KAT6A: variants seen among roughly 807,000 people sequenced by gnomAD.
KAT6A encodes the protein histone acetyltransferase KAT6A.
In KAT6A, 9 loss-of-function variants were observed where a neutral mutation model predicts 198.4. That is an observed-to-expected ratio of 0.05 (90% CI 0.03 to 0.08). The LOEUF is 0.08. KAT6A is among the 10% of genes least tolerant of loss of function. The pLI is 1.00. For missense variants in KAT6A, 2,077 were observed against 2,509.9 expected, an observed-to-expected ratio of 0.83 and a Z score of 3.69; for synonymous variants, 890 against 883.0, an observed-to-expected ratio of 1.01 and a Z score of -0.14.
chr8:42,040,623 T>C (rs1356509113), intron 2 of KAT6A, among the ~76,000 whole-genome samples: 1 of 149,720 alleles, frequency 6.7e-6, no homozygotes, highest in Non-Finnish European at 1.5e-5. Flanking sequence ...TAAACCCAGC[T>C]ACTCGGGAGG....
intron 3 of KAT6A, among the ~76,000 whole-genome samples, chr8:41,984,329 C>T (rs934729704): frequency 2.0e-5 from 3 of 152,166 alleles, no homozygotes; most frequent in Non-Finnish European, 2.9e-5. Flanking sequence ...AGACACTCAT[C>T]GGGGGAGGCC....
rs775515458 is a variant in KAT6A at position 41,930,157 on chromosome 8, C to A, written c.*2048G>T. Reference sequence around the variant, plus strand: ...AGAAACAAACAAAACCAAACACAACCGCAAACCAACAGAAACTGATTTCAC... The same window carrying A: ...AGAAACAAACAAAACCAAACACAACAGCAAACCAACAGAAACTGATTTCAC... On this transcript the variant is annotated 3_prime_UTR_variant, in exon 17 of 17. Coordinates refer to ENST00000265713, the MANE Select transcript of KAT6A (RefSeq NM_006766.5). 1.7e-4 allele frequency: 39 copies of A among 230,664 alleles called. No individual in the cohort carries two copies. Among genetic ancestry groups the A allele is most frequent in the Admixed American group, 3.5e-4 (6 of 17,344 alleles). The allele number at this position is 230,664 out of a possible 1,614,324, so 14.3% of individuals were successfully genotyped here. A position where few individuals can be genotyped will look rare whatever the true frequency, so the allele number is the denominator to read the frequency against.
chr8:41,934,782 C>T lies in KAT6A; in HGVS notation c.3438G>A (p.Leu1146=). Residue 1146 remains leucine (L), a synonymous_variant, in exon 17 of 17, where the codon TTG becomes TTA. Coordinates refer to ENST00000265713, the MANE Select transcript of KAT6A (RefSeq NM_006766.5). ...CTTTGGGCCATCCCTTTTTCTTTTTCAAAGGTGTGGATGTATCTGGCTCAA... is the reference window on the plus strand; with the variant it reads ...CTTTGGGCCATCCCTTTTTCTTTTTTAAAGGTGTGGATGTATCTGGCTCAA... The part of the protein sequence containing the change: ...SPLEPDTSTP[L]KKKKGWPKGK... 6.2e-7 allele frequency: 1 copy of T among 1,613,728 alleles called. No individual in the cohort carries two copies. Among genetic ancestry groups the T allele is most frequent in the Non-Finnish European group, 8.5e-7 (1 of 1,179,956 alleles).
At chr8:41,955,241 G>C in intron 9 of KAT6A, 55 bp downstream of exon 9, 2 of 1,088,770 alleles carry the variant, frequency 1.8e-6, no homozygotes, top group Non-Finnish European at 2.8e-6. Context: ...ATCCCTTCCA[G>C]TTCCAGACTT....
chr8:42,004,855 G>C (rs1803417254), intron 2 of KAT6A, among the ~76,000 whole-genome samples: 2 of 151,984 alleles, frequency 1.3e-5, no homozygotes, highest in Admixed American at 1.3e-4. Flanking sequence ...TTGAACCTGG[G>C]AGGCAGAGGT....
chr8:41,932,925 G>A lies in KAT6A; in HGVS notation c.5295C>T (p.Asp1765=). 6.2e-7 allele frequency: 1 copy of A among 1,614,176 alleles called. No individual in the cohort carries two copies. Among genetic ancestry groups the A allele is most frequent in the Non-Finnish European group, 8.5e-7 (1 of 1,180,028 alleles). ...KLQQLTNTIM[D]PHAMPYSHSP... ...AATGGCTATAAGGCATGGCATGAGG[G>A]TCCATAATGGTGTTGGTCAGCTGCT... Residue 1765 remains aspartate, a synonymous_variant, in exon 17 of 17, where the codon GAC becomes GAT. Coordinates refer to ENST00000265713, the MANE Select transcript of KAT6A (RefSeq NM_006766.5).
intron 2 of KAT6A, among the ~76,000 whole-genome samples, chr8:42,003,719 T>C (rs1036803217): frequency 6.6e-6 from 1 of 152,158 alleles, no homozygotes; most frequent in Non-Finnish European, 1.5e-5. Flanking sequence ...AATTCCTCAA[T>C]GTGACTCTAT....
chr8:41,934,752 C>G lies in KAT6A; in HGVS notation c.3468G>C (p.Lys1156Asn). Residue 1156 changes from lysine to asparagine, a missense_variant, in exon 17 of 17, where the codon AAG becomes AAC. Physicochemically the swap from Lys to Asn is moderately conservative, Grantham distance 94 (BLOSUM62 0). Coordinates refer to ENST00000265713, the MANE Select transcript of KAT6A (RefSeq NM_006766.5). ...TCTTCCAGTGGATTGGTTTGCGGCT[C>G]TTGCCTTTGGGCCATCCCTTTTTCT... Reference protein sequence around the residue: ...LKKKKGWPKGKSRKPIHWKKR... With the variant: ...LKKKKGWPKGNSRKPIHWKKR... The G allele has an allele frequency of 6.2e-7, 1 of 1,614,144 alleles. No individual in the cohort carries two copies. The highest frequency in any genetic ancestry group is 8.5e-7 in the Non-Finnish European group (1 of 1,180,022).
At chr8:42,047,349 T>C (rs1220002448) in intron 2 of KAT6A, among the ~76,000 whole-genome samples, 1 of 152,180 alleles carries the variant, frequency 6.6e-6, no homozygotes, top group African/African-American at 2.4e-5. Flanking sequence ...CTATATACAA[T>C]AACATCCTAA....
chr8:41,951,982 ACACTGTACTGTCTGGGACC>A (rs1159901960), intron 9 of KAT6A, among the ~76,000 whole-genome samples: 1 of 152,190 alleles, frequency 6.6e-6, no homozygotes, highest in Non-Finnish European at 1.5e-5. Context: ...TGCCACTTAT[ACACTGTACTGTCTGGGACC>A]AGGTCTGCAA....
chr8:42,039,664 T>C (rs1449697036), intron 2 of KAT6A, among the ~76,000 whole-genome samples: 2 of 152,216 alleles, frequency 1.3e-5, no homozygotes, highest in African/African-American at 4.8e-5. Context: ...TTAATGTATT[T>C]TGCATTTCCT....
Position 41,987,175 on chromosome 8 carries a change from T to C in KAT6A, c.709+280A>G, listed in dbSNP as rs567295066. Among the ~76,000 whole-genome samples, 58 of 152,300 alleles carry C rather than the reference T, an allele frequency of 3.8e-4. 1 individual carries two copies. In the South Asian group the frequency reaches 0.012, roughly 31 times the overall value. ...TCACCAGTGTTACAACTGCCTACAATATTCAGTACTGTACGGGTTTGAGCC... is the reference window on the plus strand; with the variant it reads ...TCACCAGTGTTACAACTGCCTACAACATTCAGTACTGTACGGGTTTGAGCC... On this transcript the variant is annotated intron_variant, in intron 3 of 16. Coordinates refer to ENST00000265713, the MANE Select transcript of KAT6A (RefSeq NM_006766.5).
chr8:41,961,561 T>C (rs1457535855), intron 8 of KAT6A, among the ~76,000 whole-genome samples: 1 of 152,090 alleles, frequency 6.6e-6, no homozygotes, highest in Non-Finnish European at 1.5e-5. Flanking sequence ...GAGACCATCC[T>C]GGCCAACATG....
intron 3 of KAT6A, among the ~76,000 whole-genome samples, chr8:41,985,982 C>T (rs1824582162): frequency 1.3e-5 from 2 of 151,972 alleles, no homozygotes; most frequent in South Asian, 4.1e-4. Context: ...CGCTCTGTTG[C>T]CAGGCTGGAG....
chr8:42,051,172 C>G (rs940626115), intron 1 of KAT6A, among the ~76,000 whole-genome samples: 1 of 152,100 alleles, frequency 6.6e-6, no homozygotes, highest in Non-Finnish European at 1.5e-5. Flanking sequence ...CTCTGGGGGC[C>G]GGCTCGAGGG....
intron 1 of KAT6A, among the ~76,000 whole-genome samples, chr8:42,050,108 G>A (rs1802529312): frequency 6.6e-6 from 1 of 152,156 alleles, no homozygotes; most frequent in Non-Finnish European, 1.5e-5. Context: ...AGAATCACTG[G>A]GGTCAACGCA....
intron 1 of KAT6A, among the ~76,000 whole-genome samples, chr8:42,050,427 T>C (rs1412165055): frequency 6.6e-6 from 1 of 152,202 alleles, no homozygotes; most frequent in African/African-American, 2.4e-5. Flanking sequence ...TCATTTGCAT[T>C]ACAATATAAA....
At chr8:42,049,548 T>C (rs1259177003) in intron 1 of KAT6A, 2 of 156,020 alleles carry the variant, frequency 1.3e-5, no homozygotes, top group East Asian at 3.4e-4. Flanking sequence ...TGACATGTTC[T>C]AAGAATGACC....
intron 2 of KAT6A, among the ~76,000 whole-genome samples, chr8:42,036,023 T>G (rs998427591): frequency 1.3e-5 from 2 of 152,124 alleles, no homozygotes; most frequent in Non-Finnish European, 1.5e-5. Flanking sequence ...CTTCTTTCAC[T>G]GTCCTATGAC....
Sources: gnomAD v4.1 joint callset for allele counts (sites outside exome capture counted in the v4.1 genomes callset) on GRCh38, gnomAD v4.1.1 for gene constraint, MANE v1.5 for transcripts, NCBI Gene and HGNC (gene_info 2026-07-23, HGNC 2026-07-21) for gene names.